The following NPLOC4 variants were observed in gnomAD, a reference collection of about 807,000 sequenced individuals.
The protein encoded by NPLOC4 is NPL4 homolog, ubiquitin recognition factor.
A neutral mutation model predicts 80.6 loss-of-function variants in NPLOC4; 18 were observed. The observed-to-expected ratio is 0.22, with a 90% CI of 0.15 to 0.33. NPLOC4 has a LOEUF of 0.33. Among genes scored for constraint, NPLOC4 ranks in the 10% least tolerant of loss-of-function variants. The pLI is 1.00. For missense variants in NPLOC4, 540 were observed against 786.1 expected (o/e 0.69, Z 3.74); for synonymous variants, 313 against 301.5 (o/e 1.04, Z -0.39).
intron 12 of NPLOC4, among the ~76,000 whole-genome samples, chr17:81,586,607 C>A (rs1371974767): frequency 1.2e-3 from 155 of 125,870 alleles, no homozygotes; most frequent in African/African-American, 1.2e-3. Context: ...AAAACTGTCT[C>A]AAAAAAAAAA....
intron 5 of NPLOC4, 197 bp from the exon 6 acceptor site, chr17:81,609,019 T>C (rs1035807249): frequency 1.3e-4 from 63 of 483,552 alleles, no homozygotes; most frequent in Middle Eastern, 5.7e-4. Flanking sequence ...TTGTTTTTTG[T>C]TTGTTTGTTT....
Position 81,637,088 on chromosome 17 carries a change from G to A in NPLOC4, c.-158C>T, listed in dbSNP as rs576394834. The A allele has an allele frequency of 7.1e-5, 26 of 368,556 alleles. No individual in the cohort carries two copies. Among genetic ancestry groups the A allele is most frequent in the Non-Finnish European group, 1.0e-4 (22 of 216,656 alleles). The allele number at this position is 368,556 out of a possible 1,614,324, so 22.8% of individuals were successfully genotyped here. ...CGCCCGCCCGGCTCCGCCAGCCGCCGACGTCCCGGTGCCTCGCTCAATACG... is the reference window on the plus strand; with the variant it reads ...CGCCCGCCCGGCTCCGCCAGCCGCCAACGTCCCGGTGCCTCGCTCAATACG... On this transcript the variant is annotated 5_prime_UTR_variant, in exon 1 of 17. Coordinates refer to ENST00000331134, the MANE Select transcript of NPLOC4 (RefSeq NM_017921.4).
At chr17:81,565,407 C>A (rs558138881) in intron 16 of NPLOC4, 98 bp downstream of exon 16, 11 of 1,051,550 alleles carry the variant, frequency 1.0e-5, no homozygotes, top group African/African-American at 3.1e-5. Flanking sequence ...CAGCTGGGTG[C>A]GGAATCCAGG....
intron 16 of NPLOC4, 93 bp from the exon 17 acceptor site, chr17:81,559,509 G>T: frequency 7.2e-7 from 1 of 1,391,318 alleles, no homozygotes; most frequent in Non-Finnish European, 9.7e-7. Flanking sequence ...GCAGCTGAGA[G>T]CTCCCCGCCC....
chr17:81,610,690 C>T lies in NPLOC4; in HGVS notation c.387-432G>A, dbSNP rs932380717. On this transcript the variant is annotated intron_variant, in intron 4 of 16. Transcript: ENST00000331134. Reference sequence around the variant, plus strand: ...AAACCAGGCCGGGCGCGGTGGCTCACGCCTGTAATCCCAGCACTTTGGGAG... The same window carrying T: ...AAACCAGGCCGGGCGCGGTGGCTCATGCCTGTAATCCCAGCACTTTGGGAG... Among the ~76,000 whole-genome samples the T allele has an allele frequency of 8.9e-4, 31 of 34,738 alleles. 7 individuals are homozygous for T. The highest frequency in any genetic ancestry group is 8.4e-4 in the Non-Finnish European group (7 of 8,358). The allele number at this position is 34,738 out of a possible 152,430, so 22.8% of individuals were successfully genotyped here.
In NPLOC4 at chr17:81,582,893, G is replaced by C. The variant is rs926762971; in HGVS notation, c.1281+6051C>G. On this transcript the variant is annotated intron_variant, in intron 12 of 16. Coordinates refer to ENST00000331134, the MANE Select transcript of NPLOC4 (RefSeq NM_017921.4). ...CAGCTGCAGGCTCTTGGGGCTGATG[G>C]GCAGTGAGCCACAGCCAGCCTCCCG... 4.6e-5 allele frequency among the ~76,000 whole-genome samples: 7 copies of C among 152,352 alleles called. No homozygotes were observed. The East Asian group carries it at 7.7e-4, about 17-fold the overall frequency.
chr17:81,577,581 CCA>C lies in NPLOC4; in HGVS notation c.1282-5495_1282-5494del, dbSNP rs1403653802. Among the ~76,000 whole-genome samples, 1 of 152,182 alleles carries C rather than the reference CCA, an allele frequency of 6.6e-6. No individual in the cohort carries two copies. Among genetic ancestry groups the C allele is most frequent in the Non-Finnish European group, 1.5e-5 (1 of 68,044 alleles). ...ACTTCTGGGTTAATTTAGGCTTTCT[CCA>C]CAGATAGTCTGAAAAGGGAACTATT... On this transcript the variant is annotated intron_variant, in intron 12 of 16. Coordinates refer to ENST00000331134, the MANE Select transcript of NPLOC4 (RefSeq NM_017921.4). This position sits in a 1 kb window ranked among gnomAD's most constrained non-coding sequence, Gnocchi z 4.3.
chr17:81,578,216 T>C (rs1233186211), intron 12 of NPLOC4, among the ~76,000 whole-genome samples: 2 of 152,090 alleles, frequency 1.3e-5, no homozygotes, highest in Non-Finnish European at 2.9e-5. Flanking sequence ...CACAAGCCAC[T>C]CCAGCTAGAC....
At chr17:81,560,559 T>C (rs2033818983) in intron 16 of NPLOC4, 1 of 152,106 alleles carries the variant, frequency 6.6e-6, no homozygotes, top group African/African-American at 2.4e-5. Flanking sequence ...ATGCAAAAAT[T>C]ACCTGGGGGT....
chr17:81,635,574 G>A (rs1166236014), intron 1 of NPLOC4, among the ~76,000 whole-genome samples: 16 of 152,116 alleles, frequency 1.1e-4, no homozygotes, highest in Non-Finnish European at 2.1e-4. Context: ...CTGTCGCCCA[G>A]GGTGGAGTCC....
rs2033659758 is a variant in NPLOC4 at position 81,556,986 on chromosome 17, A to C, written c.*2273T>G. 2 of 152,680 alleles carry C rather than the reference A, an allele frequency of 1.3e-5. No individual in the cohort carries two copies. The highest frequency in any genetic ancestry group is 4.8e-5 in the African/African-American group (2 of 41,462). The allele number at this position is 152,680 out of a possible 1,614,324, so 9.5% of individuals were successfully genotyped here. On this transcript the variant is annotated 3_prime_UTR_variant, in exon 17 of 17. Coordinates refer to ENST00000331134, the MANE Select transcript of NPLOC4 (RefSeq NM_017921.4). ...ACACCTGTGAGCCGAAACAGAGCCG[A>C]AGCAGGAGCACCTGTGTCCCAGGAG...
At chr17:81,586,564 C>T (rs1049281053) in intron 12 of NPLOC4, among the ~76,000 whole-genome samples, 15 of 150,056 alleles carry the variant, frequency 1.0e-4, no homozygotes, top group African/African-American at 3.2e-4. Flanking sequence ...GGGCCGAGAT[C>T]GCGCCACTGT....
intron 4 of NPLOC4, among the ~76,000 whole-genome samples, chr17:81,610,681 G>GAA (rs2035318322): frequency 1.1e-5 from 1 of 92,624 alleles, no homozygotes. Context: ...GGCCGGGCGC[G>GAA]GTGGCTCACG....
intron 3 of NPLOC4, among the ~76,000 whole-genome samples, chr17:81,618,581 G>A (rs2035575096): frequency 1.4e-5 from 1 of 70,520 alleles, no homozygotes; most frequent in Non-Finnish European, 2.6e-5. Context: ...CCGGGAGGGA[G>A]GTGGGGGGTC....
chr17:81,636,818 G>C (rs1332255757), intron 1 of NPLOC4, 98 bp downstream of exon 1: 1 of 1,247,338 alleles, frequency 8.0e-7, no homozygotes, highest in Non-Finnish European at 1.0e-6. Context: ...AAGGGGCCGA[G>C]TCGCGGCGCC....
chr17:81,592,654 C>T (rs1467541414), intron 11 of NPLOC4, among the ~76,000 whole-genome samples: 1 of 152,128 alleles, frequency 6.6e-6, no homozygotes, highest in Non-Finnish European at 1.5e-5. Flanking sequence ...TAAAAATGTG[C>T]CAGTTCTTCT....
intron 13 of NPLOC4, among the ~76,000 whole-genome samples, chr17:81,569,442 T>C (rs1341618541): frequency 6.6e-6 from 1 of 152,186 alleles, no homozygotes; most frequent in East Asian, 1.9e-4. Context: ...CCCTCTGCTA[T>C]GGAGGAACGA....
chr17:81,578,100 T>C (rs1568126828), intron 12 of NPLOC4, among the ~76,000 whole-genome samples: 1 of 152,166 alleles, frequency 6.6e-6, no homozygotes, highest in Non-Finnish European at 1.5e-5. Context: ...AATGCCTGGA[T>C]TGTTGCAAAA....
At chr17:81,616,333 A>AAAAAAGAAAGAAAC (rs1555686396) in intron 3 of NPLOC4, among the ~76,000 whole-genome samples, 1 of 115,636 alleles carries the variant, frequency 8.6e-6, no homozygotes, top group Non-Finnish European at 1.7e-5. Flanking sequence ...AAAAAAAAAA[A>AAAAAAGAAAGAAAC]AAAAAGAAAA....
Sources: gnomAD v4.1 joint callset for allele counts (sites outside exome capture counted in the v4.1 genomes callset) on GRCh38, gnomAD v4.1.1 for gene constraint, Gnocchi (gnomAD v3.1) non-coding constraint, MANE v1.5 for transcripts, NCBI Gene and HGNC (gene_info 2026-07-23, HGNC 2026-07-21) for gene names.